Variants in PAPPA2 observed in about 807,000 individuals in gnomAD.
The protein encoded by PAPPA2 is pappalysin 2.
In PAPPA2, 86 loss-of-function variants were observed where a neutral mutation model predicts 176.4. That is an observed-to-expected ratio of 0.49 (90% confidence interval 0.41 to 0.58). PAPPA2 has a LOEUF of 0.58. Ranked by LOEUF, PAPPA2 falls within the 20% of genes least tolerant of loss-of-function variation. PAPPA2 has a pLI of 0.00. For missense variants in PAPPA2, 2,073 were observed against 2,256.9 expected, an observed-to-expected ratio of 0.92 and a Z score of 1.65; for synonymous variants, 809 against 852.2, an observed-to-expected ratio of 0.95 and a Z score of 0.88.
chr1:176,756,275 G>A (rs1000895313), intron 14 of PAPPA2, among the ~76,000 whole-genome samples: 1 of 152,106 alleles, frequency 6.6e-6, no homozygotes, highest in Admixed American at 6.6e-5. Context: ...TTTATTAAGT[G>A]GAAGTGTATC....
chr1:176,606,614 G>A (rs117762385), intron 3 of PAPPA2, among the ~76,000 whole-genome samples: 3,464 of 152,166 alleles, frequency 0.023, 79 homozygotes, highest in South Asian at 0.12. Context: ...ACAGATGTGC[G>A]GCACCATGCC....
chr1:176,626,655 T>G (rs1198221501), intron 3 of PAPPA2, among the ~76,000 whole-genome samples: 1 of 152,182 alleles, frequency 6.6e-6, no homozygotes, highest in Non-Finnish European at 1.5e-5. Context: ...TCAATGGAGT[T>G]ATATTAGAAT....
At chr1:176,627,941 A>G (rs1237801916) in intron 3 of PAPPA2, among the ~76,000 whole-genome samples, 1 of 152,126 alleles carries the variant, frequency 6.6e-6, no homozygotes, top group African/African-American at 2.4e-5. Flanking sequence ...TTGTGAGGAG[A>G]AAGGTGCTAA....
chr1:176,794,881 G>C (rs990190049), intron 20 of PAPPA2, among the ~76,000 whole-genome samples: 3 of 152,198 alleles, frequency 2.0e-5, no homozygotes, highest in African/African-American at 7.2e-5. Context: ...TACGCATGGG[G>C]ATCTAGACCC....
chr1:176,594,020 ACTC>A (rs1313106666), intron 2 of PAPPA2, among the ~76,000 whole-genome samples: 3 of 152,038 alleles, frequency 2.0e-5, no homozygotes, highest in African/African-American at 7.2e-5. Context: ...TAATTAATCA[ACTC>A]CTTGTTTTCC....
At chr1:176,637,785 G>A (rs1310792580) in intron 3 of PAPPA2, among the ~76,000 whole-genome samples, 1 of 151,982 alleles carries the variant, frequency 6.6e-6, no homozygotes. Flanking sequence ...TCTGTATTAC[G>A]AACATGTTGA....
intron 14 of PAPPA2, among the ~76,000 whole-genome samples, chr1:176,756,001 G>T (rs1230282299): frequency 2.0e-5 from 3 of 152,054 alleles, no homozygotes; most frequent in African/African-American, 7.2e-5. Flanking sequence ...CGCTCTTGTT[G>T]CCCAGGTTGG....
At chr1:176,744,347 C>T (rs898155418) in intron 14 of PAPPA2, among the ~76,000 whole-genome samples, 3 of 152,030 alleles carry the variant, frequency 2.0e-5, no homozygotes, top group Non-Finnish European at 4.4e-5. Flanking sequence ...GCCAGTGAGC[C>T]CCAGGCACAT....
intron 2 of PAPPA2, among the ~76,000 whole-genome samples, chr1:176,576,798 G>A (rs919125884): frequency 6.6e-6 from 1 of 152,168 alleles, no homozygotes; most frequent in African/African-American, 2.4e-5. Context: ...CATATCCACA[G>A]TAAAATCTGA....
Position 176,702,714 on chromosome 1 carries a change from G to A in PAPPA2, c.3344G>A (p.Cys1115Tyr). ...AACCACATTCATGGAGCTCCTTATT[G>A]TGGAGATGGGAAGGTGTCAGAGTGA... ...PLNHIHGAPY[C>Y]GDGKVSERLG... The change falls in exon 9 of 23, where the codon TGT (cysteine) becomes TAT (tyrosine). Residue 1115 changes from cysteine (C) to tyrosine (Y), a missense_variant. Cys to Tyr is a radical substitution (Grantham distance 194). This residue lies in a region of PAPPA2 where 846 missense variants were observed against 857.9 expected (regional missense o/e 0.99). Coordinates refer to ENST00000367662, the MANE Select transcript of PAPPA2 (RefSeq NM_020318.3). 1 of 1,610,396 alleles carries A rather than the reference G, an allele frequency of 6.2e-7. No individual in the cohort carries two copies. Among genetic ancestry groups the A allele is most frequent in the Non-Finnish European group, 8.5e-7 (1 of 1,178,226 alleles).
intron 12 of PAPPA2, among the ~76,000 whole-genome samples, chr1:176,715,228 T>C (rs1239102952): frequency 6.6e-6 from 1 of 152,176 alleles, no homozygotes; most frequent in African/African-American, 2.4e-5. Flanking sequence ...CCTTCAATGC[T>C]CTAATCTAAC....
chr1:176,538,082 T>TAGTAATCC (rs972459796), intron 1 of PAPPA2, among the ~76,000 whole-genome samples: 2 of 152,170 alleles, frequency 1.3e-5, no homozygotes, highest in African/African-American at 4.8e-5. Context: ...CTTCTCAATA[T>TAGTAATCC]AGTAATCCAG....
At chr1:176,606,924 C>T (rs1654649017) in intron 3 of PAPPA2, among the ~76,000 whole-genome samples, 1 of 152,050 alleles carries the variant, frequency 6.6e-6, no homozygotes, top group South Asian at 2.1e-4. Flanking sequence ...AGGAAGAAAA[C>T]TGGAAAAGTT....
chr1:176,692,006 A>C lies in PAPPA2; in HGVS notation c.2432-120A>C, dbSNP rs144655168. 1.3e-3 allele frequency: 1,199 copies of C among 892,504 alleles called. 10 individuals are homozygous for C. Among genetic ancestry groups the C allele is most frequent in the South Asian group, 8.5e-3 (518 of 60,676 alleles). 55.3% of individuals were successfully genotyped at this position (892,504 alleles called of 1,614,324 possible). ...CATTTGTTCATTCATTCAACAAGTA[A>C]GTGCTCATTGAGCCTAATAAGTTAA... is the stretch of plus-strand genomic sequence containing the variant. On this transcript the variant is annotated intron_variant, in intron 5 of 22. Transcript: ENST00000367662.
intron 2 of PAPPA2, among the ~76,000 whole-genome samples, chr1:176,571,796 G>T (rs746050906): frequency 3.3e-5 from 5 of 152,188 alleles, no homozygotes; most frequent in African/African-American, 4.8e-5. Flanking sequence ...CTTCTTAGGA[G>T]ATAGAGTTAT....
At chr1:176,693,938 C>A (rs1470611024) in intron 6 of PAPPA2, among the ~76,000 whole-genome samples, 2 of 152,212 alleles carry the variant, frequency 1.3e-5, no homozygotes, top group African/African-American at 2.4e-5. Context: ...CTCTCTGGTA[C>A]AAACGTTACG....
intron 3 of PAPPA2, among the ~76,000 whole-genome samples, chr1:176,628,271 T>C (rs1271123757): frequency 6.6e-6 from 1 of 152,198 alleles, no homozygotes; most frequent in African/African-American, 2.4e-5. Context: ...AATTATTATG[T>C]CTGTGTCTCA....
rs777147973 is a variant in PAPPA2 at position 176,595,343 on chromosome 1, G to A, written c.1739G>A (p.Arg580Gln). 1.5e-5 allele frequency: 24 copies of A among 1,614,064 alleles called. No individual in the cohort carries two copies. Among genetic ancestry groups the A allele is most frequent in the East Asian group, 4.5e-5 (2 of 44,886 alleles). The change falls in exon 3 of 23, where the codon CGG (arginine) becomes CAG (glutamine). Residue 580 changes from arginine (R) to glutamine (Q), a missense_variant. Around this residue, in one of 4 missense-constraint regions of PAPPA2, gnomAD observed 1,196 missense variants for 1,330.4 expected, o/e 0.90. Coordinates refer to ENST00000367662, the MANE Select transcript of PAPPA2 (RefSeq NM_020318.3). ...HQVHNSTLRHRVVLVNCEPSK... is the reference protein window; with the variant it reads ...HQVHNSTLRHQVVLVNCEPSK... ...GTCCACAATTCCACCCTGCGACACC[G>A]GGTTGTGCTTGTGAACTGTGAGCCC...
In PAPPA2 at chr1:176,578,404, A is replaced by G. The variant is rs549062431; in HGVS notation, c.920-16120A>G. On this transcript the variant is annotated intron_variant, in intron 2 of 22. Coordinates refer to ENST00000367662, the MANE Select transcript of PAPPA2 (RefSeq NM_020318.3). ...TTCTTCTAGGTCAGATGCACTTGCA[A>G]GGTTACTAGGGTTCCCCAAGACTGG... Among the ~76,000 whole-genome samples the G allele has an allele frequency of 2.0e-5, 3 of 152,274 alleles. No homozygotes were observed. In the East Asian group the frequency reaches 5.8e-4, roughly 29 times the overall value.
Sources: gnomAD v4.1 joint callset for allele counts (sites outside exome capture counted in the v4.1 genomes callset) on GRCh38, gnomAD v4.1.1 for gene constraint, gnomAD v4.1.1 regional missense constraint, MANE v1.5 for transcripts, NCBI Gene and HGNC (gene_info 2026-07-23, HGNC 2026-07-21) for gene names.